IMPG1: variants seen among roughly 807,000 people sequenced by gnomAD.
IMPG1 encodes the protein interphotoreceptor matrix proteoglycan of 150 kDa.
Under a neutral mutation model 92.0 loss-of-function variants are expected in IMPG1, and 85 were observed. That is an observed-to-expected ratio of 0.92 (90% CI 0.78 to 1.11). The LOEUF is 1.11. IMPG1 is among the 50% of genes least tolerant of loss of function. The probability of loss-of-function intolerance (pLI) is 0.00; values close to 1 mark genes in which losing one functional copy is unlikely to be tolerated. For synonymous variants in IMPG1, 367 were observed against 334.1 expected, an observed-to-expected ratio of 1.10 and a Z score of -1.08; for missense variants, 1,022 against 956.0, an observed-to-expected ratio of 1.07 and a Z score of -0.91.
At chr6:75,974,391 CT>C (rs1185602629) in intron 12 of IMPG1, among the ~76,000 whole-genome samples, 5,503 of 54,128 alleles carry the variant, frequency 0.1, 216 homozygotes, top group East Asian at 0.23. Context: ...TTCTTTCTTT[CT>C]TTTCTTTCTT....
At chr6:76,024,458 A>T (rs556339799) in intron 5 of IMPG1, among the ~76,000 whole-genome samples, 2 of 152,284 alleles carry the variant, frequency 1.3e-5, no homozygotes, top group African/African-American at 4.8e-5. Context: ...TCAAACATCT[A>T]ATAAACACAG....
intron 1 of IMPG1, among the ~76,000 whole-genome samples, chr6:76,053,830 T>C (rs947251569): frequency 4.6e-5 from 7 of 152,292 alleles, no homozygotes; most frequent in Admixed American, 3.9e-4. Context: ...AACTTAATCT[T>C]GGAGTATGTT....
intron 12 of IMPG1, among the ~76,000 whole-genome samples, chr6:76,000,506 A>G (rs1279796286): frequency 6.6e-6 from 1 of 152,136 alleles, no homozygotes; most frequent in Non-Finnish European, 1.5e-5. Context: ...TTTTAAAATG[A>G]TGTAGGATTT....
chr6:76,021,980 A>G, intron 6 of IMPG1, 136 bp downstream of exon 6: 1 of 494,744 alleles, frequency 2.0e-6, no homozygotes, highest in South Asian at 1.7e-5. Flanking sequence ...GAACAAAGTC[A>G]CTGACTCTTA....
At chr6:76,030,443 T>C (rs1447489891) in intron 4 of IMPG1, among the ~76,000 whole-genome samples, 4 of 152,186 alleles carry the variant, frequency 2.6e-5, no homozygotes, top group Non-Finnish European at 5.9e-5. Flanking sequence ...AAATGCATCC[T>C]GAACCCCTGG....
At chr6:76,028,805 C>T (rs996450087) in intron 4 of IMPG1, among the ~76,000 whole-genome samples, 12 of 151,918 alleles carry the variant, frequency 7.9e-5, no homozygotes, top group East Asian at 1.9e-4. Context: ...GGTGACAGAG[C>T]GAGACTCCGT....
At chr6:75,999,582 TGTTTTCC>T (rs747761947) in intron 12 of IMPG1, among the ~76,000 whole-genome samples, 1 of 152,242 alleles carries the variant, frequency 6.6e-6, no homozygotes, top group Non-Finnish European at 1.5e-5. Context: ...GTTTGTTTTC[TGTTTTCC>T]GTTTTCCATG....
intron 2 of IMPG1, among the ~76,000 whole-genome samples, chr6:76,039,528 G>A (rs1783798596): frequency 6.6e-6 from 1 of 152,082 alleles, no homozygotes; most frequent in Non-Finnish European, 1.5e-5. Flanking sequence ...GCTAATTTTT[G>A]TATTTTTAGT....
At chr6:75,962,178 G>T (rs1782221621) in intron 12 of IMPG1, among the ~76,000 whole-genome samples, 1 of 151,994 alleles carries the variant, frequency 6.6e-6, no homozygotes, top group Non-Finnish European at 1.5e-5. Flanking sequence ...GGAGTGCAGT[G>T]GCATGATCAC....
In IMPG1 at chr6:76,072,621, T is replaced by G; in HGVS notation, c.-133A>C. The G allele has an allele frequency of 1.8e-6, 1 of 560,292 alleles. No homozygotes were observed. The highest frequency in any genetic ancestry group is 3.1e-6 in the Non-Finnish European group (1 of 320,332). The allele number at this position is 560,292 out of a possible 1,614,324, so 34.7% of individuals were successfully genotyped here. ...TTGAGGATAACCTTCTTGGTTTACCTTTATGAGGGTGTTAATTTATGAAGA... is the reference window on the plus strand; with the variant it reads ...TTGAGGATAACCTTCTTGGTTTACCGTTATGAGGGTGTTAATTTATGAAGA... On this transcript the variant is annotated 5_prime_UTR_variant, in exon 1 of 17. Coordinates refer to ENST00000369950, the MANE Select transcript of IMPG1 (RefSeq NM_001563.4).
intron 12 of IMPG1, among the ~76,000 whole-genome samples, chr6:75,954,590 T>C (rs1376956598): frequency 1.3e-5 from 2 of 152,238 alleles, no homozygotes. Flanking sequence ...GATAGTTTCT[T>C]TTGCTGTGCA....
At chr6:75,948,290 G>A (rs1003705009) in intron 13 of IMPG1, among the ~76,000 whole-genome samples, 1 of 152,210 alleles carries the variant, frequency 6.6e-6, no homozygotes. Flanking sequence ...CCTCCTGTGA[G>A]CCACGCCATC....
intron 12 of IMPG1, among the ~76,000 whole-genome samples, chr6:75,968,083 G>A (rs1364434565): frequency 6.6e-6 from 1 of 152,160 alleles, no homozygotes; most frequent in Non-Finnish European, 1.5e-5. Flanking sequence ...TGTTGTAGAA[G>A]CAATTCTAAA....
intron 1 of IMPG1, among the ~76,000 whole-genome samples, chr6:76,053,348 T>C (rs1784073403): frequency 1.3e-5 from 2 of 152,144 alleles, no homozygotes; most frequent in East Asian, 1.9e-4. Context: ...AAGTGCCAGG[T>C]AATGCATGAG....
At chr6:75,992,408 C>G (rs1285955042) in intron 12 of IMPG1, among the ~76,000 whole-genome samples, 1 of 152,228 alleles carries the variant, frequency 6.6e-6, no homozygotes. Flanking sequence ...ACATAGATGA[C>G]CATGGGGGTG....
At chr6:76,033,737 T>C (rs547133485) in intron 4 of IMPG1, among the ~76,000 whole-genome samples, 6 of 152,378 alleles carry the variant, frequency 3.9e-5, no homozygotes, top group South Asian at 2.1e-4. Context: ...ATAAGATGTA[T>C]GTAATTTGTG....
chr6:76,055,803 T>C (rs149221341), intron 1 of IMPG1, among the ~76,000 whole-genome samples: 1 of 152,016 alleles, frequency 6.6e-6, no homozygotes, highest in South Asian at 2.1e-4. Flanking sequence ...GTTTTATCCA[T>C]AAATTTGAAG....
intron 12 of IMPG1, among the ~76,000 whole-genome samples, 190 bp downstream of exon 12, chr6:76,002,728 G>A (rs776373443): frequency 3.0e-4 from 46 of 152,244 alleles, no homozygotes; most frequent in Admixed American, 5.2e-4. Flanking sequence ...CTGAAGGAAG[G>A]ATGCTGTGGA....
chr6:75,944,703 C>T (rs748525195), intron 14 of IMPG1, among the ~76,000 whole-genome samples: 2 of 152,204 alleles, frequency 1.3e-5, no homozygotes, highest in African/African-American at 2.4e-5. Context: ...CTTAGTGTAA[C>T]ATTCAGTGGC....
Sources: gnomAD v4.1 joint callset for allele counts (sites outside exome capture counted in the v4.1 genomes callset) on GRCh38, gnomAD v4.1.1 for gene constraint, MANE v1.5 for transcripts, NCBI Gene and HGNC (gene_info 2026-07-23, HGNC 2026-07-21) for gene names.